The following RHPN2 variants were observed in gnomAD, a reference collection of about 807,000 sequenced individuals.
RHPN2 encodes rhophilin Rho GTPase binding protein 2, also known as rhophilin-2.
In RHPN2, 40 loss-of-function variants were observed where a neutral mutation model predicts 79.0. The ratio of observed to expected loss-of-function variants is 0.51; its 90% CI spans 0.39 to 0.66. The LOEUF (loss-of-function observed/expected upper bound fraction) is 0.66, where lower values mean the gene tolerates loss of function less well. Among genes scored for constraint, RHPN2 ranks in the 30% least tolerant of loss-of-function variants. The pLI, the probability that RHPN2 is intolerant of heterozygous loss-of-function variation, is 0.00. For synonymous variants in RHPN2, 285 were observed against 363.5 expected (o/e 0.78, Z 2.46); for missense variants, 686 against 883.5 (o/e 0.78, Z 2.83).
In RHPN2 at chr19:33,050,191, T is replaced by G. The variant is rs528393476; in HGVS notation, c.70-5827A>C. 8.5e-5 allele frequency among the ~76,000 whole-genome samples: 13 copies of G among 152,224 alleles called. No homozygotes were observed. The South Asian group carries it at 2.3e-3, about 27-fold the overall frequency. On this transcript the variant is annotated intron_variant, in intron 1 of 14. Coordinates refer to ENST00000254260, the MANE Select transcript of RHPN2 (RefSeq NM_033103.5). ...CCTTGAACCTGGGAGGCTGTGACAC[T>G]GAGCAGTTGCAGCCACCTTACCACC... is the stretch of plus-strand genomic sequence containing the variant.
intron 8 of RHPN2, 101 bp from the exon 9 acceptor site, chr19:33,002,504 C>G (rs1342601918): frequency 1.4e-6 from 2 of 1,409,206 alleles, no homozygotes; most frequent in Non-Finnish European, 2.0e-6. Context: ...GCAACAGCCC[C>G]TGCCAGGGGC....
chr19:32,983,335 A>G (rs1395773967), intron 14 of RHPN2, among the ~76,000 whole-genome samples: 2 of 151,756 alleles, frequency 1.3e-5, no homozygotes, highest in African/African-American at 2.4e-5. Flanking sequence ...ACATGGTGAA[A>G]CCCTGTCTCT....
chr19:33,004,488 A>T (rs1027668268), intron 7 of RHPN2, among the ~76,000 whole-genome samples: 13 of 152,324 alleles, frequency 8.5e-5, no homozygotes, highest in African/African-American at 2.4e-4. Context: ...TAAAATTTTT[A>T]AAATTTAAGA....
intron 6 of RHPN2, 68 bp from the exon 7 acceptor site, chr19:33,008,248 TTC>T (rs1971809426): frequency 3.8e-5 from 55 of 1,464,780 alleles, no homozygotes; most frequent in Admixed American, 1.4e-4. Flanking sequence ...GTGGAAAAAA[TTC>T]TTTTTTTTTT....
intron 9 of RHPN2, among the ~76,000 whole-genome samples, chr19:33,000,818 C>A (rs1971743490): frequency 1.3e-5 from 2 of 152,160 alleles, no homozygotes; most frequent in African/African-American, 2.4e-5. Context: ...ACTCAAATGT[C>A]ACTGCCTCTA....
chr19:32,990,167 G>GAAAGAAAGAAAGAAAGAGAGAA (rs1491437447), intron 14 of RHPN2, among the ~76,000 whole-genome samples: 1 of 144,782 alleles, frequency 6.9e-6, no homozygotes, highest in Admixed American at 7.0e-5. Flanking sequence ...GAAAGAAAGA[G>GAAAGAAAGAAAGAAAGAGAGAA]CGAGCCAGGG....
At chr19:33,061,476 A>AT (rs749163139) in intron 1 of RHPN2, among the ~76,000 whole-genome samples, 3,756 of 135,844 alleles carry the variant, frequency 0.028, 78 homozygotes, top group African/African-American at 0.059. Context: ...AAGTGCTGGG[A>AT]TTTTTTTTTT....
In RHPN2 at chr19:33,008,158, G is replaced by A; in HGVS notation, c.616C>T (p.Pro206Ser). 6.2e-7 allele frequency: 1 copy of A among 1,614,068 alleles called. No homozygotes were observed. Among genetic ancestry groups the A allele is most frequent in the Admixed American group, 1.7e-5 (1 of 59,988 alleles). ...FTWYDSLTGV[P>S]VSQQNLLLEK... ...AGCAGCAGGTTCTGCTGGCTGACCGGAACCCCGGTGAGAGAGTCATACCTA... is the reference window on the plus strand; with the variant it reads ...AGCAGCAGGTTCTGCTGGCTGACCGAAACCCCGGTGAGAGAGTCATACCTA... Residue 206 changes from proline to serine, a missense_variant, in exon 7 of 15, where the codon CCG becomes TCG. Physicochemically the swap from Pro to Ser is moderately conservative, Grantham distance 74. Transcript: ENST00000254260.
At chr19:33,009,186 T>C (rs10425796) in intron 6 of RHPN2, among the ~76,000 whole-genome samples, 91,008 of 151,640 alleles carry the variant, frequency 0.6, 28,019 homozygotes, top group African/African-American at 0.74. Context: ...TGGATCACTG[T>C]CATTCTATGT....
rs1488451033 is a variant in RHPN2, at chr19:32,979,927, T to C, written c.*69A>G. ...ACAGATAGATAGATATTTTCCATTA[T>C]GGCACAAACGTTTAAGGCCGAGTCA... On this transcript the variant is annotated 3_prime_UTR_variant, in exon 15 of 15. Coordinates refer to ENST00000254260, the MANE Select transcript of RHPN2 (RefSeq NM_033103.5). The C allele has an allele frequency of 1.7e-5, 26 of 1,553,028 alleles. No individual in the cohort carries two copies.
chr19:33,052,683 C>G (rs538218003), intron 1 of RHPN2, among the ~76,000 whole-genome samples: 1 of 152,316 alleles, frequency 6.6e-6, no homozygotes, highest in South Asian at 2.1e-4. Flanking sequence ...TCAGGGCAGG[C>G]TGGGTGGAAA....
intron 2 of RHPN2, among the ~76,000 whole-genome samples, chr19:33,034,014 C>CT (rs1417794539): frequency 7.9e-6 from 1 of 126,634 alleles, no homozygotes; most frequent in East Asian, 2.6e-4. Flanking sequence ...CCCCTCCCAT[C>CT]TTGGCAAAAC....
intron 4 of RHPN2, among the ~76,000 whole-genome samples, chr19:33,017,945 G>A (rs1971891406): frequency 6.6e-6 from 1 of 151,944 alleles, no homozygotes; most frequent in Non-Finnish European, 1.5e-5. Context: ...CATGAGGTCA[G>A]GAGTTCAAGA....
chr19:32,987,092 G>T (rs1369624465), intron 14 of RHPN2, among the ~76,000 whole-genome samples: 2 of 151,942 alleles, frequency 1.3e-5, no homozygotes, highest in Non-Finnish European at 2.9e-5. Context: ...TGCCCAGGCT[G>T]GTCTCGAACT....
At chr19:33,047,786 C>T (rs1313247901) in intron 1 of RHPN2, among the ~76,000 whole-genome samples, 2 of 152,146 alleles carry the variant, frequency 1.3e-5, no homozygotes, top group South Asian at 2.1e-4. Flanking sequence ...TAGCTCACAA[C>T]TGTAATCCCA....
intron 1 of RHPN2, among the ~76,000 whole-genome samples, chr19:33,045,576 T>G (rs1233484231): frequency 6.6e-6 from 1 of 151,736 alleles, no homozygotes; most frequent in Non-Finnish European, 1.5e-5. Context: ...CAGGTTCAAG[T>G]GATTCTCCTG....
At chr19:32,982,147 C>A (rs534843546) in intron 14 of RHPN2, among the ~76,000 whole-genome samples, 3 of 152,286 alleles carry the variant, frequency 2.0e-5, no homozygotes, top group African/African-American at 4.8e-5. Flanking sequence ...GTGTCTTACA[C>A]CTGTAATCCC....
intron 1 of RHPN2, among the ~76,000 whole-genome samples, chr19:33,061,857 A>G (rs1010646050): frequency 1.3e-5 from 2 of 151,540 alleles, no homozygotes; most frequent in African/African-American, 2.4e-5. Flanking sequence ...TTATAGAGCC[A>G]AGGTCTTGCT....
At chr19:33,025,729 A>G (rs1204189828) in intron 3 of RHPN2, among the ~76,000 whole-genome samples, 4 of 152,236 alleles carry the variant, frequency 2.6e-5, no homozygotes, top group Non-Finnish European at 5.9e-5. Flanking sequence ...TAATTAGCCA[A>G]CATTGGAAAG....
Sources: gnomAD v4.1 joint callset for allele counts (sites outside exome capture counted in the v4.1 genomes callset) on GRCh38, gnomAD v4.1.1 for gene constraint, MANE v1.5 for transcripts, NCBI Gene and HGNC (gene_info 2026-07-23, HGNC 2026-07-21) for gene names.